RSPH14: variants seen among roughly 807,000 people sequenced by gnomAD.
RSPH14 encodes radial spoke head 14 homolog, also known as rhabdoid tumor deletion region gene 1.
RSPH14 carries 20 observed loss-of-function variants against 26.7 expected under a neutral mutation model. The ratio of observed to expected loss-of-function variants is 0.75; its 90% CI spans 0.53 to 1.09. The LOEUF is 1.09. Among genes scored for constraint, RSPH14 ranks in the 50% least tolerant of loss-of-function variants. The pLI is 0.00. For synonymous variants in RSPH14, 177 were observed against 189.3 expected (o/e 0.93, Z 0.53); for missense variants, 449 against 457.2 (o/e 0.98, Z 0.16).
intron 4 of RSPH14, among the ~76,000 whole-genome samples, chr22:23,133,180 TA>T (rs2070394930): frequency 6.6e-6 from 1 of 152,204 alleles, no homozygotes; most frequent in Admixed American, 6.5e-5. Context: ...TTGGTAGCCA[TA>T]AGCTAGAAAC....
At chr22:23,132,282 G>A (rs1054606212) in intron 4 of RSPH14, among the ~76,000 whole-genome samples, 8 of 152,164 alleles carry the variant, frequency 5.3e-5, no homozygotes, top group African/African-American at 1.4e-4. Flanking sequence ...TAAGGTATCC[G>A]CTTCAAGGCC....
At chr22:23,115,098 C>T (rs1407585507) in intron 4 of RSPH14, among the ~76,000 whole-genome samples, 1 of 152,160 alleles carries the variant, frequency 6.6e-6, no homozygotes, top group African/African-American at 2.4e-5. Context: ...GCTGTGGCCA[C>T]AGCAAACTGC....
rs554164784 is a variant in RSPH14 at position 23,082,509 on chromosome 22, G to A, written c.422-18376C>T. On this transcript the variant is annotated intron_variant, in intron 4 of 6. Coordinates refer to ENST00000216036, the MANE Select transcript of RSPH14 (RefSeq NM_014433.3). ...GCTGGGATTACAGGCATGAGCCACC[G>A]CGCCCGGCCTCGTTGTGTTTTTTTG... Among the ~76,000 whole-genome samples the A allele has an allele frequency of 1.1e-4, 17 of 151,606 alleles. No homozygotes were observed. In the East Asian group the frequency reaches 3.1e-3, roughly 28 times the overall value.
In RSPH14 at chr22:23,063,897, C is replaced by T; in HGVS notation, c.653+5G>A. ...GGTAGAAACCCAGCCTAGGCCAGGC[C>T]TCACCTGACATTAAGGAGCGCACGG... On this transcript the variant is annotated splice_donor_5th_base_variant and intron_variant, in intron 5 of 6. Transcript: ENST00000216036. 2 of 1,613,780 alleles carry T rather than the reference C, an allele frequency of 1.2e-6. No individual in the cohort carries two copies. Among genetic ancestry groups the T allele is most frequent in the African/African-American group, 1.3e-5 (1 of 75,048 alleles).
At chr22:23,132,835 T>C (rs1008531941) in intron 4 of RSPH14, 2 of 151,990 alleles carry the variant, frequency 1.3e-5, no homozygotes, top group African/African-American at 4.8e-5. Context: ...TTGTTTCTGA[T>C]CTGGGCTGGT....
intron 4 of RSPH14, among the ~76,000 whole-genome samples, chr22:23,097,684 C>G (rs1300906424): frequency 1.3e-5 from 2 of 152,262 alleles, no homozygotes; most frequent in Non-Finnish European, 2.9e-5. Flanking sequence ...AGTTCAGCCC[C>G]ATGTGTGGTT....
chr22:23,095,969 A>C, intron 4 of RSPH14: 1 of 1,611,494 alleles, frequency 6.2e-7, no homozygotes, highest in Non-Finnish European at 8.5e-7. Context: ...GGCCGCCCTC[A>C]GGATCGACTT....
intron 3 of RSPH14, among the ~76,000 whole-genome samples, chr22:23,134,661 T>C (rs1404401230): frequency 6.6e-6 from 1 of 151,544 alleles, no homozygotes; most frequent in Non-Finnish European, 1.5e-5. Flanking sequence ...GGTCAGGAGT[T>C]CGAGACCAGC....
intron 6 of RSPH14, among the ~76,000 whole-genome samples, chr22:23,061,216 GAA>G (rs1439962400): frequency 3.9e-5 from 6 of 152,194 alleles, no homozygotes; most frequent in Non-Finnish European, 7.4e-5. Flanking sequence ...GGGCCAGAGG[GAA>G]AGTCAAATGC....
intron 4 of RSPH14, among the ~76,000 whole-genome samples, chr22:23,088,096 G>C (rs1304490966): frequency 2.6e-5 from 4 of 152,240 alleles, no homozygotes; most frequent in Non-Finnish European, 4.4e-5. Context: ...TTGGAAGTTA[G>C]AAGCAAGATG....
chr22:23,073,591 A>G (rs1029905089), intron 4 of RSPH14, among the ~76,000 whole-genome samples: 1 of 152,180 alleles, frequency 6.6e-6, no homozygotes, highest in Non-Finnish European at 1.5e-5. Context: ...CCCCTGCCAC[A>G]CATTTTGGCC....
the RSPH14 span, among the ~76,000 whole-genome samples, chr22:23,158,229 T>C: frequency 1.3e-5 from 2 of 152,204 alleles, no homozygotes. Flanking sequence ...GATTTGTCCC[T>C]ATTCTGGAGG....
At chr22:23,177,252 T>A in the RSPH14 span, among the ~76,000 whole-genome samples, 1 of 152,130 alleles carries the variant, frequency 6.6e-6, no homozygotes, top group Non-Finnish European at 1.5e-5. Context: ...CTGGCAAGCC[T>A]TTCCCCGAAC....
rs191630148 is a variant in RSPH14 at position 23,074,396 on chromosome 22, G to A, written c.422-10263C>T. Among the ~76,000 whole-genome samples the A allele has an allele frequency of 2.1e-4, 32 of 152,300 alleles. No individual in the cohort carries two copies. The East Asian group carries it at 5.8e-3, about 28-fold the overall frequency. ...GCTTTTAAAGGACAGCTGCAGTTTT[G>A]GTCTGAACCAGTAGAAAGATGGAGC... On this transcript the variant is annotated intron_variant, in intron 4 of 6. Transcript: ENST00000216036.
In RSPH14 at chr22:23,059,638, T is replaced by C; in HGVS notation, c.871A>G (p.Asn291Asp). 1 of 1,608,486 alleles carries C rather than the reference T, an allele frequency of 6.2e-7. No individual in the cohort carries two copies. ...AGCATGGTAAGGGCCTTGGTGGCAT[T>C]CAGGCGCGCTATGGTCATGGGGGAG... ...LHSPMTIARLNATKALTMLAE... is the reference protein window; with the variant it reads ...LHSPMTIARLDATKALTMLAE... Residue 291 changes from asparagine to aspartate, a missense_variant, in exon 7 of 7, where the codon AAT becomes GAT. Transcript: ENST00000216036.
At chr22:23,070,672 C>T (rs1282639335) in intron 4 of RSPH14, 2 of 152,106 alleles carry the variant, frequency 1.3e-5, no homozygotes, top group East Asian at 3.9e-4. Flanking sequence ...TCTTCCCAGG[C>T]CTTTGTGCCC....
rs771063525 is a variant in RSPH14 at position 23,064,102 on chromosome 22, A to C, written c.453T>G (p.Ile151Met). The C allele has an allele frequency of 6.8e-6, 11 of 1,613,996 alleles. No homozygotes were observed. The highest frequency in any genetic ancestry group is 9.3e-6 in the Non-Finnish European group (11 of 1,179,990). Residue 151 changes from isoleucine to methionine, a missense_variant, in exon 5 of 7, where the codon ATT becomes ATG. By Grantham distance (10) the Ile-to-Met change is conservative. Coordinates refer to ENST00000216036, the MANE Select transcript of RSPH14 (RefSeq NM_014433.3). Reference sequence around the variant, plus strand: ...CCTGCAGCTTCCATACCAGTGAGGAAATCAGACCTTTGCTGATGATCTCTT... The same window carrying C: ...CCTGCAGCTTCCATACCAGTGAGGACATCAGACCTTTGCTGATGATCTCTT... Reference protein sequence around the residue: ...GAQEIISKGLISSLVWKLQVE... With the variant: ...GAQEIISKGLMSSLVWKLQVE...
intron 4 of RSPH14, chr22:23,096,478 A>G: frequency 6.5e-7 from 1 of 1,531,756 alleles, no homozygotes; most frequent in South Asian, 1.2e-5. Context: ...CCTGGAAGCA[A>G]GAGGACTCGT....
chr22:23,145,527 G>T, upstream of RSPH14: 1 of 1,603,404 alleles, frequency 6.2e-7, no homozygotes, highest in East Asian at 2.2e-5. Context: ...GCCGCGCGGA[G>T]CCCCAGCTTT....
Sources: allele counts gnomAD v4.1 joint callset (sites outside exome capture counted in the v4.1 genomes callset), GRCh38; gene constraint gnomAD v4.1.1; transcripts MANE v1.5; gene names NCBI Gene and HGNC (gene_info 2026-07-23, HGNC 2026-07-21).